The following SLC33A1 variants were observed in gnomAD, a reference collection of about 807,000 sequenced individuals.
SLC33A1 encodes the protein solute carrier family 33 member 1.
Under a neutral mutation model 50.0 loss-of-function variants are expected in SLC33A1, and 20 were observed. The ratio of observed to expected loss-of-function variants is 0.40; its 90% confidence interval spans 0.28 to 0.58. The LOEUF is 0.58. Among genes scored for constraint, SLC33A1 ranks in the 20% least tolerant of loss-of-function variants. The pLI, the probability that SLC33A1 is intolerant of heterozygous loss-of-function variation, is 0.44. For synonymous variants in SLC33A1, 265 were observed against 251.8 expected (o/e 1.05, Z -0.50); for missense variants, 476 against 657.0 (o/e 0.72, Z 3.01).
chr3:155,835,622 G>C (rs1752622566), intron 2 of SLC33A1, among the ~76,000 whole-genome samples: 2 of 152,162 alleles, frequency 1.3e-5, no homozygotes, highest in Non-Finnish European at 2.9e-5. Context: ...GGGCAACATG[G>C]TGCAGCTCAG....
At chr3:155,843,655 T>C (rs1753012354) in intron 1 of SLC33A1, among the ~76,000 whole-genome samples, 2 of 152,170 alleles carry the variant, frequency 1.3e-5, no homozygotes, top group South Asian at 2.1e-4. Flanking sequence ...GCATTTTACA[T>C]GTATCAACTC....
chr3:155,844,502 T>A (rs1441032358), intron 1 of SLC33A1, among the ~76,000 whole-genome samples: 1 of 132,820 alleles, frequency 7.5e-6, no homozygotes, highest in Non-Finnish European at 1.6e-5. Flanking sequence ...GGAGTCTCAC[T>A]CTTGTCAGGC....
chr3:155,844,425 G>GTATATATATATATATATA (rs869082007), intron 1 of SLC33A1, among the ~76,000 whole-genome samples: 4 of 33,610 alleles, frequency 1.2e-4, no homozygotes, highest in African/African-American at 4.9e-4. Flanking sequence ...CTACATAAAG[G>GTATATATATATATATATA]TATATATATA....
rs1016313944 is a variant in SLC33A1, at chr3:155,842,688, T to C, written c.776-69A>G. On this transcript the variant is annotated intron_variant, in intron 1 of 5. Coordinates refer to ENST00000643144, the MANE Select transcript of SLC33A1 (RefSeq NM_004733.4). ...ATTTCATTGATACTAAATAATTCTA[T>C]ATACAATAACTTTCAATTAAAATGT... 14 of 837,550 alleles carry C rather than the reference T, an allele frequency of 1.7e-5. No homozygotes were observed. The Admixed American group carries it at 2.1e-4, about 13-fold the overall frequency. 51.9% of individuals were successfully genotyped at this position (837,550 alleles called of 1,614,324 possible).
chr3:155,849,957 C>T (rs931283142), intron 1 of SLC33A1, among the ~76,000 whole-genome samples: 3 of 141,246 alleles, frequency 2.1e-5, no homozygotes, highest in South Asian at 2.3e-4. Context: ...ATAATAATAA[C>T]AATTCACTGC....
rs950209666 is a variant in SLC33A1 at position 155,826,363 on chromosome 3, G to A, written c.*1847C>T. ...GATTGCACCACTGTACTCCAGCCTG[G>A]GTGACAAAGTGAGACTCTGTCTCAA... On this transcript the variant is annotated 3_prime_UTR_variant, in exon 6 of 6. Transcript: ENST00000643144. The A allele has an allele frequency of 1.3e-5, 2 of 151,372 alleles. No individual in the cohort carries two copies. Among genetic ancestry groups the A allele is most frequent in the Admixed American group, 1.3e-4 (2 of 15,172 alleles). The allele number at this position is 151,372 out of a possible 1,614,324, so 9.4% of individuals were successfully genotyped here. A position where few individuals can be genotyped will look rare whatever the true frequency, so the allele number is the denominator to read the frequency against.
intron 1 of SLC33A1, among the ~76,000 whole-genome samples, chr3:155,846,151 TAAGATCTGGGA>T (rs1234624770): frequency 6.6e-6 from 1 of 152,232 alleles, no homozygotes; most frequent in Non-Finnish European, 1.5e-5. Context: ...GTGTCTATTA[TAAGATCTGGGA>T]AAAAACAGAG....
At chr3:155,832,326 T>G (rs1361590119) in intron 4 of SLC33A1, among the ~76,000 whole-genome samples, 2 of 151,646 alleles carry the variant, frequency 1.3e-5, no homozygotes, top group South Asian at 4.2e-4. Context: ...TGCGGTGACC[T>G]GAGATCGTGC....
chr3:155,841,553 A>G (rs898687701), intron 2 of SLC33A1, among the ~76,000 whole-genome samples: 3 of 152,160 alleles, frequency 2.0e-5, no homozygotes, highest in Non-Finnish European at 4.4e-5. Context: ...AACAAAATAT[A>G]CTTACCTTAT....
rs1242323785 is a variant in SLC33A1, at chr3:155,823,647, C to CA, written c.*4562dup. 1 of 151,848 alleles carries CA rather than the reference C, an allele frequency of 6.6e-6. No homozygotes were observed. The highest frequency in any genetic ancestry group is 1.5e-5 in the Non-Finnish European group (1 of 67,952). 9.4% of individuals were successfully genotyped at this position (151,848 alleles called of 1,614,324 possible). On this transcript the variant is annotated 3_prime_UTR_variant, in exon 6 of 6. Transcript: ENST00000643144. ...TGGGCAACAGAGCCAGACTCCATCT[C>CA]AAAAAAATAATAAAATAAAATAAAG... is the stretch of plus-strand genomic sequence containing the variant.
At chr3:155,833,375 T>C in intron 4 of SLC33A1, 93 bp downstream of exon 4, 1 of 787,110 alleles carries the variant, frequency 1.3e-6, no homozygotes, top group Admixed American at 1.8e-5. Flanking sequence ...ATGCTTAAAA[T>C]TTATTATCAT....
Position 155,842,443 on chromosome 3 carries a change from G to C in SLC33A1, c.952C>G (p.Leu318Val). Residue 318 changes from leucine to valine, a missense_variant, in exon 2 of 6, where the codon CTA (leucine) becomes GTA (valine). Transcript: ENST00000643144. ...TATAAATCTCTTACCTTTGCAGTTA[G>C]AATCAGAAGGCAAAATGTCAGAACT... ...PAVLTFCLLILTAKIGFSAAD... is the reference protein window; with the variant it reads ...PAVLTFCLLIVTAKIGFSAAD... 1 of 1,606,744 alleles carries C rather than the reference G, an allele frequency of 6.2e-7. No homozygotes were observed. The highest frequency in any genetic ancestry group is 8.5e-7 in the Non-Finnish European group (1 of 1,174,176).
intron 4 of SLC33A1, among the ~76,000 whole-genome samples, chr3:155,830,300 G>C (rs1752372750): frequency 6.6e-6 from 1 of 151,964 alleles, no homozygotes; most frequent in Non-Finnish European, 1.5e-5. Context: ...GTGAACCCGG[G>C]AGGCGGAGCT....
At position 155,821,377 on chromosome 3, in the gene SLC33A1, T is replaced by G. The variant is rs946555825; in HGVS notation, c.*6833A>C. 4 of 152,352 alleles carry G rather than the reference T, an allele frequency of 2.6e-5. No homozygotes were observed. The highest frequency in any genetic ancestry group is 2.6e-4 in the Admixed American group (4 of 15,298). The allele number at this position is 152,352 out of a possible 1,614,324, so 9.4% of individuals were successfully genotyped here. On this transcript the variant is annotated 3_prime_UTR_variant, in exon 6 of 6. Coordinates refer to ENST00000643144, the MANE Select transcript of SLC33A1 (RefSeq NM_004733.4). ...AGTATTTTTTCCAATTTTACACTAA[T>G]TCTTGCAAAGGCAACATCTGGGGAC... is the stretch of plus-strand genomic sequence containing the variant.
chr3:155,828,896 GTT>G (rs11355046), intron 5 of SLC33A1, among the ~76,000 whole-genome samples: 75 of 128,698 alleles, frequency 5.8e-4, no homozygotes, highest in Non-Finnish European at 4.8e-4. Context: ...AGCCGAATAT[GTT>G]TTTTTTTTTT....
Position 155,842,536 on chromosome 3 carries a change from C to T in SLC33A1, c.859G>A (p.Val287Ile), listed in dbSNP as rs765511075. 1 of 1,605,160 alleles carries T rather than the reference C, an allele frequency of 6.2e-7. No homozygotes were observed. The highest frequency in any genetic ancestry group is 1.1e-5 in the South Asian group (1 of 89,544). The change falls in exon 2 of 6, where the codon GTA (valine) becomes ATA (isoleucine). Residue 287 changes from valine (V) to isoleucine (I), a missense_variant. Transcript: ENST00000643144. ...LLKKENEVSV[V>I]KEETQGITDT... Reference sequence around the variant, plus strand: ...GTGATCCCTTGTGTTTCTTCTTTTACTACTGATACTTCGTTTTCTTTTTTC... The same window carrying T: ...GTGATCCCTTGTGTTTCTTCTTTTATTACTGATACTTCGTTTTCTTTTTTC...
At chr3:155,837,447 G>C (rs1752727684) in intron 2 of SLC33A1, among the ~76,000 whole-genome samples, 1 of 152,050 alleles carries the variant, frequency 6.6e-6, no homozygotes, top group African/African-American at 2.4e-5. Context: ...TGGTGGTAGG[G>C]AAAATTGGAA....
intron 1 of SLC33A1, among the ~76,000 whole-genome samples, chr3:155,846,641 C>T (rs567831231): frequency 2.0e-5 from 3 of 151,808 alleles, no homozygotes; most frequent in South Asian, 2.1e-4. Context: ...TTAGTAGAGA[C>T]GGGGTTTCTC....
At chr3:155,835,293 G>A (rs1752602221) in intron 2 of SLC33A1, among the ~76,000 whole-genome samples, 1 of 152,120 alleles carries the variant, frequency 6.6e-6, no homozygotes, top group East Asian at 1.9e-4. Context: ...ATATAAAGGA[G>A]TTCTACTAAT....
Sources: allele counts gnomAD v4.1 joint callset (sites outside exome capture counted in the v4.1 genomes callset), GRCh38; gene constraint gnomAD v4.1.1; transcripts MANE v1.5; gene names NCBI Gene and HGNC (gene_info 2026-07-23, HGNC 2026-07-21).